ACAT2: variants seen among roughly 807,000 people sequenced by gnomAD.
ACAT2 encodes the protein acetyl-CoA acetyltransferase 2.
A neutral mutation model predicts 37.1 loss-of-function variants in ACAT2; 26 were observed. The observed-to-expected ratio is 0.70, with a 90% CI of 0.51 to 0.97. The LOEUF is 0.97. Among genes scored for constraint, ACAT2 ranks in the 50% least tolerant of loss-of-function variants. The pLI is 0.00. For synonymous variants in ACAT2, 156 were observed against 163.6 expected (o/e 0.95, Z 0.35); for missense variants, 468 against 489.0 (o/e 0.96, Z 0.40).
At chr6:159,771,607 T>A (rs1780337686) in intron 4 of ACAT2, among the ~76,000 whole-genome samples, 1 of 149,250 alleles carries the variant, frequency 6.7e-6, no homozygotes, top group Non-Finnish European at 1.5e-5. Flanking sequence ...AAAAAGATCA[T>A]GCCACTGCAC....
Position 159,777,312 on chromosome 6 carries a change from T to C in ACAT2, c.768T>C (p.Asp256=). Residue 256 remains aspartate (D), a synonymous_variant, in exon 7 of 9, where the codon GAT becomes GAC. Coordinates refer to ENST00000367048, the MANE Select transcript of ACAT2 (RefSeq NM_005891.3). ...VTPANASGIN[D]GAAAVVLMKK... ...ACTCATATTTTACAGGAATAAATGA[T>C]GGTGCTGCAGCTGTCGTTCTTATGA... The C allele has an allele frequency of 6.2e-7, 1 of 1,611,898 alleles. No homozygotes were observed.
chr6:159,767,536 A>C (rs1320436036), intron 3 of ACAT2, among the ~76,000 whole-genome samples: 2 of 152,228 alleles, frequency 1.3e-5, no homozygotes, highest in African/African-American at 4.8e-5. Context: ...AGATGTTGCC[A>C]CTTACCTTCC....
intron 8 of ACAT2, 56 bp from the exon 9 acceptor site, chr6:159,778,603 A>G (rs1180982002): frequency 4.4e-6 from 7 of 1,579,720 alleles, no homozygotes; most frequent in Non-Finnish European, 6.1e-6. Flanking sequence ...CAAGTTTAAG[A>G]TTTTAAACTG....
intron 1 of ACAT2, chr6:159,762,549 A>G: frequency 1.3e-5 from 17 of 1,318,532 alleles, no homozygotes; most frequent in Non-Finnish European, 1.4e-5. Context: ...TCGGGCTGTC[A>G]CACAATGGCT....
At chr6:159,762,400 G>A (rs975102415) in intron 1 of ACAT2, 11 of 1,380,610 alleles carry the variant, frequency 8.0e-6, no homozygotes, top group African/African-American at 7.3e-5. Flanking sequence ...CCATCGCGTG[G>A]CCTGCCTCTC....
intron 1 of ACAT2, 185 bp from the exon 2 acceptor site, chr6:159,762,734 C>T (rs1780171626): frequency 1.3e-6 from 2 of 1,552,272 alleles, no homozygotes. Context: ...CCCTCGGCTG[C>T]TGCGAGTTGT....
At chr6:159,770,403 T>G (rs1161437683) in intron 4 of ACAT2, among the ~76,000 whole-genome samples, 1 of 152,102 alleles carries the variant, frequency 6.6e-6, no homozygotes, top group African/African-American at 2.4e-5. Context: ...CAAAGGAAAA[T>G]ATAATCTTCA....
At chr6:159,766,551 G>A (rs930231338) in intron 2 of ACAT2, among the ~76,000 whole-genome samples, 2 of 152,006 alleles carry the variant, frequency 1.3e-5, no homozygotes, top group African/African-American at 2.4e-5. Flanking sequence ...ACACTCATGC[G>A]CCACCACGCC....
intron 1 of ACAT2, 68 bp downstream of exon 1, chr6:159,762,210 G>A (rs1780153709): frequency 1.9e-6 from 3 of 1,539,320 alleles, no homozygotes; most frequent in Non-Finnish European, 2.6e-6. Flanking sequence ...GCCGAGGGCC[G>A]GACTTGTGTA....
In ACAT2 at chr6:159,778,698, C is replaced by T. The variant is rs1003349631; in HGVS notation, c.1063C>T (p.Leu355Phe). 1 of 1,614,234 alleles carries T rather than the reference C, an allele frequency of 6.2e-7. No individual in the cohort carries two copies. Among genetic ancestry groups the T allele is most frequent in the Middle Eastern group, 1.6e-4 (1 of 6,062 alleles). Residue 355 changes from leucine (L) to phenylalanine (F), a missense_variant, in exon 9 of 9, where the codon CTT becomes TTT. By Grantham distance (22) the Leu-to-Phe change is conservative (BLOSUM62 0). Coordinates refer to ENST00000367048, the MANE Select transcript of ACAT2 (RefSeq NM_005891.3). ...EGGAIALGHP[L>F]GASGCRILVT... ...AGGGGCTATAGCCTTGGGCCACCCT[C>T]TTGGAGCATCTGGCTGTCGAATTCT...
chr6:159,768,219 A>T (rs1780284396), intron 3 of ACAT2, among the ~76,000 whole-genome samples: 1 of 152,170 alleles, frequency 6.6e-6, no homozygotes, highest in South Asian at 2.1e-4. Flanking sequence ...AATTGCCTCG[A>T]TGGAAAGAAT....
In ACAT2 at chr6:159,777,450, G is replaced by A. The variant is rs141278196; in HGVS notation, c.906G>A (p.Lys302=). 6.8e-5 allele frequency: 110 copies of A among 1,612,916 alleles called. No individual in the cohort carries two copies. The African/African-American group carries it at 1.3e-3, about 19-fold the overall frequency. ...IMGIGPIPAI[K]QAVTKAGWSL... Reference sequence around the variant, plus strand: ...GAATAGGACCAATTCCAGCCATAAAGCAAGCTGTGAGTATAACCCTATTCC... The same window carrying A: ...GAATAGGACCAATTCCAGCCATAAAACAAGCTGTGAGTATAACCCTATTCC... The change falls in exon 7 of 9, where the codon AAG becomes AAA. Residue 302 remains lysine (K), a synonymous_variant. Coordinates refer to ENST00000367048, the MANE Select transcript of ACAT2 (RefSeq NM_005891.3).
intron 8 of ACAT2, 101 bp downstream of exon 8, chr6:159,778,381 G>C: frequency 2.1e-6 from 1 of 480,954 alleles, no homozygotes. Flanking sequence ...AATAGTTAAA[G>C]AAATACTAGT....
rs770247304 is a variant in ACAT2 at position 159,762,106 on chromosome 6, C to A, written c.19C>A (p.Pro7Thr). 1.2e-6 allele frequency: 2 copies of A among 1,613,180 alleles called. No individual in the cohort carries two copies. Among genetic ancestry groups the A allele is most frequent in the Non-Finnish European group, 1.7e-6 (2 of 1,179,648 alleles). The change falls in exon 1 of 9, where the codon CCT (proline) becomes ACT (threonine). Residue 7 changes from proline (P) to threonine (T), a missense_variant. Transcript: ENST00000367048. MNAGSD[P>T]VVIVSAARTI... ...AAGCAAGATGAATGCAGGCTCAGAT[C>A]CTGTGGTCATCGTCTCGGCGGCGCG...
At chr6:159,764,443 T>C (rs1485077509) in intron 2 of ACAT2, among the ~76,000 whole-genome samples, 1 of 151,646 alleles carries the variant, frequency 6.6e-6, no homozygotes, top group African/African-American at 2.4e-5. Flanking sequence ...TTAATTATTA[T>C]TATTATTATT....
chr6:159,776,884 G>C (rs1022983530), intron 6 of ACAT2, among the ~76,000 whole-genome samples: 4 of 152,088 alleles, frequency 2.6e-5, no homozygotes, highest in African/African-American at 9.7e-5. Flanking sequence ...CGCCTCCCAG[G>C]TTCAAGCAAT....
chr6:159,778,191 C>G lies in ACAT2; in HGVS notation c.934C>G (p.Leu312Val), dbSNP rs1780466937. The change falls in exon 8 of 9, where the codon CTG (leucine) becomes GTG (valine). Residue 312 changes from leucine to valine, a missense_variant. Leu to Val is a conservative substitution (Grantham distance 32). Transcript: ENST00000367048. ...CTAGGTTACAAAAGCAGGTTGGTCA[C>G]TGGAAGATGTTGACATATTTGAAAT... ...KQAVTKAGWS[L>V]EDVDIFEINE... 3 of 1,612,200 alleles carry G rather than the reference C, an allele frequency of 1.9e-6. No homozygotes were observed. Among genetic ancestry groups the G allele is most frequent in the African/African-American group, 2.7e-5 (2 of 74,802 alleles).
intron 5 of ACAT2, chr6:159,775,949 C>T: frequency 1.9e-6 from 1 of 516,776 alleles, no homozygotes; most frequent in South Asian, 2.3e-5. Context: ...ACAGGTGTCT[C>T]ATAAGGACAT....
chr6:159,764,085 A>G (rs1457713612), intron 2 of ACAT2, among the ~76,000 whole-genome samples: 1 of 151,948 alleles, frequency 6.6e-6, no homozygotes, highest in African/African-American at 2.4e-5. Flanking sequence ...AGCCTGGGCA[A>G]CAGAGTGAGA....
Sources: gnomAD v4.1 joint callset for allele counts (sites outside exome capture counted in the v4.1 genomes callset) on GRCh38, gnomAD v4.1.1 for gene constraint, MANE v1.5 for transcripts, NCBI Gene and HGNC (gene_info 2026-07-23, HGNC 2026-07-21) for gene names.